WDFY2: variants seen among roughly 807,000 people sequenced by gnomAD.
WDFY2 encodes the protein WD repeat and FYVE domain containing 2.
WDFY2 carries 36 observed loss-of-function variants against 56.4 expected under a neutral mutation model. That is an observed-to-expected ratio of 0.64 (90% CI 0.49 to 0.84). WDFY2 has a LOEUF of 0.84. Among genes scored for constraint, WDFY2 ranks in the 40% least tolerant of loss-of-function variants. WDFY2 has a pLI of 0.00. For missense variants in WDFY2, 444 were observed against 512.2 expected, an observed-to-expected ratio of 0.87 and a Z score of 1.29; for synonymous variants, 176 against 183.7, an observed-to-expected ratio of 0.96 and a Z score of 0.34.
At chr13:51,693,101 C>T (rs941642246) in intron 3 of WDFY2, among the ~76,000 whole-genome samples, 1 of 151,982 alleles carries the variant, frequency 6.6e-6, no homozygotes, top group African/African-American at 2.4e-5. Context: ...CTTTATTAGT[C>T]TTGCTAGTGG....
intron 3 of WDFY2, among the ~76,000 whole-genome samples, chr13:51,686,988 G>A (rs1172248112): frequency 1.3e-5 from 2 of 151,218 alleles, no homozygotes; most frequent in South Asian, 4.2e-4. Context: ...TGAGCAAATT[G>A]TTGAATCTTT....
At chr13:51,713,675 C>T (rs1952276332) in intron 4 of WDFY2, among the ~76,000 whole-genome samples, 1 of 151,964 alleles carries the variant, frequency 6.6e-6, no homozygotes, top group Admixed American at 6.6e-5. Context: ...AAGTTCAAGA[C>T]CAGCCTCTAC....
At chr13:51,702,915 A>G (rs978867393) in intron 3 of WDFY2, among the ~76,000 whole-genome samples, 12 of 152,210 alleles carry the variant, frequency 7.9e-5, no homozygotes, top group African/African-American at 2.7e-4. Context: ...GCTTCTACAT[A>G]CAGGTCACTG....
In WDFY2 at chr13:51,756,432, A is replaced by C; in HGVS notation, c.1034A>C (p.Asp345Ala). The C allele has an allele frequency of 6.2e-7, 1 of 1,614,070 alleles. No individual in the cohort carries two copies. The highest frequency in any genetic ancestry group is 8.5e-7 in the Non-Finnish European group (1 of 1,179,978). Residue 345 changes from aspartate (D) to alanine (A), a missense_variant, in exon 10 of 12, where the codon GAC (aspartate) becomes GCC (alanine). By Grantham distance (126) the Asp-to-Ala change is moderately radical (BLOSUM62 -2). Coordinates refer to ENST00000298125, the MANE Select transcript of WDFY2 (RefSeq NM_052950.4). ...TTCGAGTTTGAAGTGAGGGTCTGTG[A>C]CAGCTGCCACGAGGCCATCACAGAT... The part of the protein sequence containing the change: ...MGFEFEVRVC[D>A]SCHEAITDEE...
At chr13:51,602,445 A>G (rs1954305174) in intron 1 of WDFY2, among the ~76,000 whole-genome samples, 1 of 152,254 alleles carries the variant, frequency 6.6e-6, no homozygotes, top group South Asian at 2.1e-4. Context: ...ATGGGTTTGT[A>G]TAGATACACT....
intron 1 of WDFY2, among the ~76,000 whole-genome samples, chr13:51,630,847 C>T (rs938795851): frequency 3.3e-5 from 5 of 150,418 alleles, no homozygotes; most frequent in Admixed American, 6.6e-5. Context: ...GGCGCTATCT[C>T]GGGTCACTGC....
At chr13:51,677,736 A>G (rs1369163339) in intron 3 of WDFY2, among the ~76,000 whole-genome samples, 1 of 152,180 alleles carries the variant, frequency 6.6e-6, no homozygotes. Context: ...CTTTCAAAAA[A>G]TGTGGCCACA....
At chr13:51,730,243 C>T (rs987265603) in intron 6 of WDFY2, among the ~76,000 whole-genome samples, 5 of 152,204 alleles carry the variant, frequency 3.3e-5, no homozygotes, top group African/African-American at 7.2e-5. Context: ...TCTGGTTTGT[C>T]GTTATTACGC....
chr13:51,698,413 C>T (rs1249230594), intron 3 of WDFY2, among the ~76,000 whole-genome samples: 1 of 152,074 alleles, frequency 6.6e-6, no homozygotes, highest in East Asian at 1.9e-4. Context: ...AGGATTTTAA[C>T]AAATTTTGTT....
intron 2 of WDFY2, among the ~76,000 whole-genome samples, chr13:51,672,700 T>A (rs1224547212): frequency 1.3e-5 from 2 of 152,196 alleles, no homozygotes; most frequent in African/African-American, 4.8e-5. Context: ...TTTCCATTTG[T>A]TTGTGTCATC....
chr13:51,685,908 T>G (rs557113650), intron 3 of WDFY2, among the ~76,000 whole-genome samples: 2 of 152,266 alleles, frequency 1.3e-5, no homozygotes, highest in East Asian at 3.9e-4. Flanking sequence ...ATTTTTTGAG[T>G]GAATAAAAGC....
chr13:51,705,996 A>T (rs766330059), intron 4 of WDFY2, among the ~76,000 whole-genome samples: 1 of 152,194 alleles, frequency 6.6e-6, no homozygotes, highest in Non-Finnish European at 1.5e-5. Context: ...GCCATTTCCT[A>T]TGTCTTTGTT....
chr13:51,651,745 C>G (rs1361252736), intron 1 of WDFY2, among the ~76,000 whole-genome samples: 3 of 152,122 alleles, frequency 2.0e-5, no homozygotes, highest in Non-Finnish European at 4.4e-5. Context: ...TTTCTTAATG[C>G]TGAGTTCTAG....
intron 1 of WDFY2, among the ~76,000 whole-genome samples, chr13:51,651,227 A>G (rs376160753): frequency 9.2e-5 from 14 of 152,156 alleles, no homozygotes; most frequent in Admixed American, 7.2e-4. Flanking sequence ...ATTCTCTGAT[A>G]GTAGTTTGTA....
chr13:51,662,115 C>T (rs557351348), intron 2 of WDFY2, among the ~76,000 whole-genome samples: 2 of 152,104 alleles, frequency 1.3e-5, no homozygotes, highest in African/African-American at 2.4e-5. Context: ...AGACTACAGG[C>T]GCATGCCACC....
At chr13:51,665,672 A>C (rs1405938465) in intron 2 of WDFY2, among the ~76,000 whole-genome samples, 1 of 152,174 alleles carries the variant, frequency 6.6e-6, no homozygotes, top group Admixed American at 6.5e-5. Flanking sequence ...TGTATTGCCA[A>C]CTTCTCCCTG....
chr13:51,736,249 G>A lies in WDFY2; in HGVS notation c.599-2800G>A, dbSNP rs79937990. Reference sequence around the variant, plus strand: ...CCAATTAATCTCAACAATACTGTGGGTTAGGTACTATTATCATCCCTGTTT... The same window carrying A: ...CCAATTAATCTCAACAATACTGTGGATTAGGTACTATTATCATCCCTGTTT... On this transcript the variant is annotated intron_variant, in intron 6 of 11. Coordinates refer to ENST00000298125, the MANE Select transcript of WDFY2 (RefSeq NM_052950.4). 5.0e-3 allele frequency among the ~76,000 whole-genome samples: 755 copies of A among 152,264 alleles called. 5 individuals carry two copies. The highest frequency in any genetic ancestry group is 0.014 in the African/African-American group (592 of 41,546).
At chr13:51,672,358 A>C (rs1353349029) in intron 2 of WDFY2, among the ~76,000 whole-genome samples, 4 of 151,792 alleles carry the variant, frequency 2.6e-5, no homozygotes, top group Admixed American at 2.6e-4. Context: ...GTTGACTGTA[A>C]GTATTTGGGT....
intron 3 of WDFY2, among the ~76,000 whole-genome samples, chr13:51,675,964 G>A (rs1041812621): frequency 6.6e-6 from 1 of 152,154 alleles, no homozygotes; most frequent in Non-Finnish European, 1.5e-5. Flanking sequence ...ATTATCCAGC[G>A]TTGCCTTTAG....
Sources: gnomAD v4.1 joint callset for allele counts (sites outside exome capture counted in the v4.1 genomes callset) on GRCh38, gnomAD v4.1.1 for gene constraint, MANE v1.5 for transcripts, NCBI Gene and HGNC (gene_info 2026-07-23, HGNC 2026-07-21) for gene names.